Variants in TBCK observed in about 807,000 individuals in gnomAD.
TBCK encodes the protein TBC1 domain containing kinase.
Under a neutral mutation model 113.4 loss-of-function variants are expected in TBCK, and 99 were observed. That is an observed-to-expected ratio of 0.87 (90% CI 0.74 to 1.03). The LOEUF is 1.03. TBCK is among the 50% of genes least tolerant of loss of function. TBCK has a pLI of 0.00. For synonymous variants in TBCK, 369 were observed against 370.8 expected (o/e 1.00, Z 0.05); for missense variants, 1,045 against 1,061.3 (o/e 0.98, Z 0.21).
chr4:106,289,979 G>A (rs1206038817), intron 3 of TBCK, among the ~76,000 whole-genome samples: 2 of 152,138 alleles, frequency 1.3e-5, no homozygotes, highest in South Asian at 2.1e-4. Context: ...CATTGTAAAT[G>A]CATATTTTCA....
chr4:106,188,579 CAACCATAA>C (rs1753301210), intron 22 of TBCK, among the ~76,000 whole-genome samples: 1 of 152,070 alleles, frequency 6.6e-6, no homozygotes, highest in African/African-American at 2.4e-5. Flanking sequence ...AAACCCTTAT[CAACCATAA>C]AACAAGCAGC....
At chr4:106,122,336 A>C (rs1454653565) in intron 23 of TBCK, among the ~76,000 whole-genome samples, 1 of 152,186 alleles carries the variant, frequency 6.6e-6, no homozygotes, top group Non-Finnish European at 1.5e-5. Context: ...AAGAAGTTGA[A>C]TCTCTGAATA....
chr4:106,263,742 A>C (rs1762721766), intron 3 of TBCK, among the ~76,000 whole-genome samples: 2 of 151,966 alleles, frequency 1.3e-5, no homozygotes, highest in Non-Finnish European at 2.9e-5. Context: ...TCTCTCCGAA[A>C]TTAAAACCAA....
intron 22 of TBCK, among the ~76,000 whole-genome samples, chr4:106,181,355 A>T (rs1752358578): frequency 6.6e-6 from 1 of 152,210 alleles, no homozygotes; most frequent in Non-Finnish European, 1.5e-5. Flanking sequence ...TTTGCTGTGC[A>T]GAAGCTCTTT....
At chr4:106,120,713 C>T (rs1289484576) in intron 23 of TBCK, among the ~76,000 whole-genome samples, 3 of 152,184 alleles carry the variant, frequency 2.0e-5, no homozygotes, top group East Asian at 1.9e-4. Flanking sequence ...CACACTGACA[C>T]CTCACACGGC....
At position 106,043,716 on chromosome 4, in the gene TBCK, TAA is replaced by T. The variant is rs1204347777; in HGVS notation, c.*2852_*2853del. On this transcript the variant is annotated 3_prime_UTR_variant, in exon 26 of 26. Coordinates refer to ENST00000394708, the MANE Select transcript of TBCK (RefSeq NM_001163435.3). ...TTGTTGCTAGATTATCAAGAGTTAA[TAA>T]GTGTGTTTATGAATGTGAGTGTGTG... 1 of 151,040 alleles carries T rather than the reference TAA, an allele frequency of 6.6e-6. No homozygotes were observed. The highest frequency in any genetic ancestry group is 6.6e-5 in the Admixed American group (1 of 15,096). 9.4% of individuals were successfully genotyped at this position (151,040 alleles called of 1,614,324 possible). A position where few individuals can be genotyped will look rare whatever the true frequency, so the allele number is the denominator to read the frequency against.
chr4:106,093,234 C>T (rs187887891), intron 25 of TBCK, among the ~76,000 whole-genome samples: 52 of 152,262 alleles, frequency 3.4e-4, no homozygotes, highest in African/African-American at 9.4e-4. Flanking sequence ...TGGCCAGGTG[C>T]GGAGGCTCAC....
intron 25 of TBCK, among the ~76,000 whole-genome samples, chr4:106,076,297 T>C (rs1578823968): frequency 6.6e-6 from 1 of 152,216 alleles, no homozygotes; most frequent in South Asian, 2.1e-4. Context: ...ATATATTACT[T>C]GGAACCTAAA....
At chr4:106,180,676 T>C (rs947376997) in intron 22 of TBCK, among the ~76,000 whole-genome samples, 1 of 152,160 alleles carries the variant, frequency 6.6e-6, no homozygotes, top group Non-Finnish European at 1.5e-5. Context: ...AATGATGGTT[T>C]CCAGCTTCAT....
At chr4:106,063,006 G>A (rs1736222031) in intron 25 of TBCK, among the ~76,000 whole-genome samples, 1 of 151,870 alleles carries the variant, frequency 6.6e-6, no homozygotes, top group Non-Finnish European at 1.5e-5. Context: ...GGACTCAACA[G>A]GAGTTTTTAG....
At chr4:106,177,176 C>T (rs1218123697) in intron 22 of TBCK, among the ~76,000 whole-genome samples, 1 of 151,762 alleles carries the variant, frequency 6.6e-6, no homozygotes, top group African/African-American at 2.4e-5. Flanking sequence ...AGATCATCTA[C>T]CCGTTTTTTA....
chr4:106,248,929 T>G lies in TBCK; in HGVS notation c.712A>C (p.Ile238Leu). Residue 238 changes from isoleucine to leucine, a missense_variant, in exon 8 of 26, where the codon ATT becomes CTT. By Grantham distance (5) the Ile-to-Leu change is conservative. Transcript: ENST00000394708. ...CCAGATTAATGACAAACCTTTATAA[T>G]GTCCAAACAACCATGCTCTTCAGCC... ...VLAEEHGCLD[I>L]IKELPETVID... The G allele has an allele frequency of 1.9e-6, 3 of 1,606,600 alleles. No individual in the cohort carries two copies. Among genetic ancestry groups the G allele is most frequent in the Non-Finnish European group, 2.5e-6 (3 of 1,177,660 alleles).
intron 12 of TBCK, among the ~76,000 whole-genome samples, chr4:106,242,116 A>C (rs753697442): frequency 2.6e-4 from 40 of 152,228 alleles, no homozygotes; most frequent in Admixed American, 9.2e-4. Flanking sequence ...GAAAAGACTT[A>C]CAACTGCACT....
Position 106,194,725 on chromosome 4 carries a change from C to T in TBCK, c.1890G>A (p.Met630Ile). 3 of 1,590,794 alleles carry T rather than the reference C, an allele frequency of 1.9e-6. No homozygotes were observed. In the South Asian group the frequency reaches 3.4e-5, roughly 18 times the overall value. ...GGGGGAAGTCATACTTACGAGTAAA[C>T]ATGGTAAGAAACCAAGGGATGGCAT... Reference protein sequence around the residue: ...DLYAIPWFLTMFTHVFPLHKI... With the variant: ...DLYAIPWFLTIFTHVFPLHKI... The change falls in exon 21 of 26, where the codon ATG becomes ATA. Residue 630 changes from methionine to isoleucine, a missense_variant. Transcript: ENST00000394708.
At chr4:106,160,114 CAA>C (rs1749594173) in intron 23 of TBCK, among the ~76,000 whole-genome samples, 1 of 151,868 alleles carries the variant, frequency 6.6e-6, no homozygotes, top group South Asian at 2.1e-4. Flanking sequence ...ATAACATATA[CAA>C]AAATTAAATC....
intron 19 of TBCK, among the ~76,000 whole-genome samples, chr4:106,222,235 TA>T (rs1757783058): frequency 6.6e-6 from 1 of 152,048 alleles, no homozygotes; most frequent in Admixed American, 6.6e-5. Flanking sequence ...CAATGAAATA[TA>T]AAATGAAAAT....
At chr4:106,206,656 C>T (rs1579237098) in intron 20 of TBCK, among the ~76,000 whole-genome samples, 2 of 152,188 alleles carry the variant, frequency 1.3e-5, no homozygotes, top group Non-Finnish European at 2.9e-5. Context: ...AGCTCATTGT[C>T]AGTATTCTCT....
At chr4:106,110,159 A>C (rs879263181) in intron 24 of TBCK, among the ~76,000 whole-genome samples, 3 of 152,222 alleles carry the variant, frequency 2.0e-5, no homozygotes, top group Non-Finnish European at 4.4e-5. Flanking sequence ...AATAAATGCC[A>C]GCAGCACCAG....
At chr4:106,282,001 T>C (rs1764644601) in intron 3 of TBCK, among the ~76,000 whole-genome samples, 1 of 152,114 alleles carries the variant, frequency 6.6e-6, no homozygotes, top group South Asian at 2.1e-4. Context: ...CTGGAAAAGT[T>C]TGGCGGAATT....
Sources: gnomAD v4.1 joint callset for allele counts (sites outside exome capture counted in the v4.1 genomes callset) on GRCh38, gnomAD v4.1.1 for gene constraint, MANE v1.5 for transcripts, NCBI Gene and HGNC (gene_info 2026-07-23, HGNC 2026-07-21) for gene names.